Variants in C9orf152 observed in about 807,000 individuals in gnomAD.
C9orf152 encodes the protein uncharacterized protein C9orf152.
A neutral mutation model predicts 8.5 loss-of-function variants in C9orf152; 8 were observed. The observed-to-expected ratio is 0.94, with a 90% CI of 0.55 to 1.70. The LOEUF is 1.70. C9orf152 is among the 40% of genes most tolerant of loss of function. C9orf152 has a pLI of 0.00. For missense variants in C9orf152, 293 were observed against 286.2 expected, an observed-to-expected ratio of 1.02 and a Z score of -0.17; for synonymous variants, 109 against 113.0, an observed-to-expected ratio of 0.96 and a Z score of 0.22.
At position 110,201,149 on chromosome 9, in the gene C9orf152, T is replaced by TG; in HGVS notation, c.518dup (p.Glu174ArgfsTer85). The TG allele has an allele frequency of 6.2e-7, 1 of 1,614,192 alleles. No homozygotes were observed. Among genetic ancestry groups the TG allele is most frequent in the Non-Finnish European group, 8.5e-7 (1 of 1,180,032 alleles). On this transcript the variant is annotated frameshift_variant, in exon 2 of 2. Coordinates refer to ENST00000400613, the MANE Select transcript of C9orf152 (RefSeq NM_001012993.3). LOFTEE classifies it low-confidence loss of function (END_TRUNC). ...CCTGGCATGGAAGCTGGGCAGCCTC[T>TG]GGGATTCCGGTTCCTTGCTGAGTCA...
At chr9:110,203,669 C>T (rs1040866678) in intron 1 of C9orf152, among the ~76,000 whole-genome samples, 4 of 152,126 alleles carry the variant, frequency 2.6e-5, no homozygotes, top group Non-Finnish European at 4.4e-5. Context: ...AGGGAAATTT[C>T]GTATCATGTT....
intron 1 of C9orf152, among the ~76,000 whole-genome samples, chr9:110,206,270 GC>G (rs2118505544): frequency 6.6e-6 from 1 of 152,126 alleles, no homozygotes; most frequent in South Asian, 2.1e-4. Context: ...TTCTCTGGGG[GC>G]ATGTTGAATT....
intron 1 of C9orf152, among the ~76,000 whole-genome samples, 189 bp downstream of exon 1, chr9:110,207,198 G>A (rs970518119): frequency 6.6e-6 from 1 of 152,230 alleles, no homozygotes; most frequent in African/African-American, 2.4e-5. Context: ...TGGCAGCCAG[G>A]TGCTTGGCTG....
At chr9:110,203,312 C>T (rs576139934) in intron 1 of C9orf152, among the ~76,000 whole-genome samples, 16 of 152,070 alleles carry the variant, frequency 1.1e-4, no homozygotes, top group African/African-American at 3.6e-4. Flanking sequence ...CGTGAGCCAC[C>T]GCGGCCAGCC....
intron 1 of C9orf152, among the ~76,000 whole-genome samples, 165 bp downstream of exon 1, chr9:110,207,222 C>T (rs1367282213): frequency 6.6e-6 from 1 of 152,184 alleles, no homozygotes; most frequent in East Asian, 1.9e-4. Context: ...CCCCTGGCTC[C>T]CTTAGCAGGT....
At chr9:110,206,745 C>T (rs1319620481) in intron 1 of C9orf152, among the ~76,000 whole-genome samples, 3 of 152,230 alleles carry the variant, frequency 2.0e-5, no homozygotes, top group Non-Finnish European at 4.4e-5. Context: ...AGGGTATCTT[C>T]CCTTCTCCCT....
chr9:110,207,507 C>G lies in C9orf152; in HGVS notation c.73G>C (p.Gly25Arg). 1 of 1,612,776 alleles carries G rather than the reference C, an allele frequency of 6.2e-7. No homozygotes were observed. The highest frequency in any genetic ancestry group is 1.1e-5 in the South Asian group (1 of 90,822). The change falls in exon 1 of 2, where the codon GGC (glycine) becomes CGC (arginine). Residue 25 changes from glycine (G) to arginine (R), a missense_variant. Physicochemically the swap from Gly to Arg is moderately radical, Grantham distance 125 (BLOSUM62 -2). Coordinates refer to ENST00000400613, the MANE Select transcript of C9orf152 (RefSeq NM_001012993.3). ...WQLRSHLMAE[G>R]SRTQAPGKGP... ...TTCCCAGGGGCCTGAGTCCTGGAGCCCTCAGCCATTAAGTGAGACCTAAGC... is the reference window on the plus strand; with the variant it reads ...TTCCCAGGGGCCTGAGTCCTGGAGCGCTCAGCCATTAAGTGAGACCTAAGC...
Position 110,200,507 on chromosome 9 carries a change from CAGAATATATGAG to C in C9orf152, c.*429_*440del. ...CTGAATTCTCAGAGCTTGTCTTCTCCAGAATATATGAGAAATCATCAGAAGACATTGAAAACA... is the reference window on the plus strand; with the variant it reads ...CTGAATTCTCAGAGCTTGTCTTCTCCAAATCATCAGAAGACATTGAAAACA... On this transcript the variant is annotated 3_prime_UTR_variant, in exon 2 of 2. Transcript: ENST00000400613. 6.4e-6 allele frequency: 1 copy of C among 155,042 alleles called. No homozygotes were observed. The highest frequency in any genetic ancestry group is 1.9e-4 in the East Asian group (1 of 5,240). The allele number at this position is 155,042 out of a possible 1,614,324, so 9.6% of individuals were successfully genotyped here.
chr9:110,203,957 C>T (rs781013718), intron 1 of C9orf152, among the ~76,000 whole-genome samples: 1 of 152,134 alleles, frequency 6.6e-6, no homozygotes, highest in Non-Finnish European at 1.5e-5. Context: ...CCTCTCTCAT[C>T]AAGCCAGAGT....
intron 1 of C9orf152, among the ~76,000 whole-genome samples, chr9:110,205,705 C>CT (rs1837266671): frequency 1.3e-5 from 2 of 152,170 alleles, no homozygotes; most frequent in South Asian, 4.1e-4. Context: ...TCAGGCTGTG[C>CT]TCCAAGACCC....
At chr9:110,203,214 G>A (rs1057387827) in intron 1 of C9orf152, among the ~76,000 whole-genome samples, 9 of 151,802 alleles carry the variant, frequency 5.9e-5, no homozygotes, top group Admixed American at 2.0e-4. Context: ...TAGTAGAGAC[G>A]GGGTTTCACT....
Position 110,199,684 on chromosome 9 carries a change from T to C in C9orf152, c.*1264A>G, listed in dbSNP as rs979244142. ...GATTTCTGGGTGGTTCAAGGAAGCT[T>C]CTACATGTTTTTCACAGGTAATGAC... On this transcript the variant is annotated 3_prime_UTR_variant, in exon 2 of 2. Coordinates refer to ENST00000400613, the MANE Select transcript of C9orf152 (RefSeq NM_001012993.3). 4 of 152,308 alleles carry C rather than the reference T, an allele frequency of 2.6e-5. No homozygotes were observed. Among genetic ancestry groups the C allele is most frequent in the African/African-American group, 9.6e-5 (4 of 41,554 alleles). 9.4% of individuals were successfully genotyped at this position (152,308 alleles called of 1,614,324 possible).
In C9orf152 at chr9:110,201,374, C is replaced by T. The variant is rs755614512; in HGVS notation, c.294G>A (p.Val98=). The T allele has an allele frequency of 8.1e-6, 13 of 1,601,254 alleles. No homozygotes were observed. In the East Asian group the frequency reaches 1.1e-4, roughly 14 times the overall value. ...GGGCAGCCTCCTCCAGCCTCCCCTCCACCTCAGAATCTGCCTCTTCCAGGG... is the reference window on the plus strand; with the variant it reads ...GGGCAGCCTCCTCCAGCCTCCCCTCTACCTCAGAATCTGCCTCTTCCAGGG... ...SLSLEEADSE[V]EGRLEEAAQG... The change falls in exon 2 of 2, where the codon GTG becomes GTA. Residue 98 remains valine, a synonymous_variant. Coordinates refer to ENST00000400613, the MANE Select transcript of C9orf152 (RefSeq NM_001012993.3).
At chr9:110,203,677 G>GT (rs1304194135) in intron 1 of C9orf152, among the ~76,000 whole-genome samples, 1 of 152,176 alleles carries the variant, frequency 6.6e-6, no homozygotes, top group Non-Finnish European at 1.5e-5. Flanking sequence ...TTCGTATCAT[G>GT]TTTTTTATCT....
chr9:110,206,444 A>C (rs1005289511), intron 1 of C9orf152, among the ~76,000 whole-genome samples: 4 of 152,172 alleles, frequency 2.6e-5, no homozygotes. Context: ...AGCTTTAGGA[A>C]CCTTTCAGTT....
chr9:110,200,812 T>C lies in C9orf152; in HGVS notation c.*136A>G. 3 of 882,356 alleles carry C rather than the reference T, an allele frequency of 3.4e-6. No individual in the cohort carries two copies. The highest frequency in any genetic ancestry group is 5.2e-6 in the Non-Finnish European group (3 of 572,140). The allele number at this position is 882,356 out of a possible 1,614,324, so 54.7% of individuals were successfully genotyped here. On this transcript the variant is annotated 3_prime_UTR_variant, in exon 2 of 2. Coordinates refer to ENST00000400613, the MANE Select transcript of C9orf152 (RefSeq NM_001012993.3). The stretch of plus-strand genomic sequence containing the variant: ...AACCATGTTACCATTGTGAAGTTCG[T>C]CTCCCACAATTCCTATAATTAGGTT...
intron 1 of C9orf152, among the ~76,000 whole-genome samples, chr9:110,203,320 G>A (rs1156792928): frequency 2.6e-5 from 4 of 152,168 alleles, no homozygotes; most frequent in Admixed American, 6.5e-5. Context: ...ACCGCGGCCA[G>A]CCAAAGGAAA....
Position 110,207,479 on chromosome 9 carries a change from C to A in C9orf152, c.101G>T (p.Gly34Val). ...CAGGAACTGGATGCTGAGTGGGGGC[C>A]CTTTCCCAGGGGCCTGAGTCCTGGA... is the stretch of plus-strand genomic sequence containing the variant. ...EGSRTQAPGK[G>V]PPLSIQFLRA... Residue 34 changes from glycine (G) to valine (V), a missense_variant, in exon 1 of 2, where the codon GGG (glycine) becomes GTG (valine). Physicochemically the swap from Gly to Val is moderately radical, Grantham distance 109 (BLOSUM62 -3). Coordinates refer to ENST00000400613, the MANE Select transcript of C9orf152 (RefSeq NM_001012993.3). 6.2e-7 allele frequency: 1 copy of A among 1,613,524 alleles called. No individual in the cohort carries two copies. The highest frequency in any genetic ancestry group is 8.5e-7 in the Non-Finnish European group (1 of 1,179,778).
chr9:110,201,347 C>G lies in C9orf152; in HGVS notation c.321G>C (p.Gln107His). 1 of 1,609,540 alleles carries G rather than the reference C, an allele frequency of 6.2e-7. No individual in the cohort carries two copies. The highest frequency in any genetic ancestry group is 1.1e-5 in the South Asian group (1 of 90,276). Residue 107 changes from glutamine to histidine, a missense_variant, in exon 2 of 2, where the codon CAG becomes CAC. Gln to His is a conservative substitution (Grantham distance 24, BLOSUM62 0). Transcript: ENST00000400613. ...GAGACTTGGGGGCCTGAAGGCAGCC[C>G]TGGGCAGCCTCCTCCAGCCTCCCCT... Reference protein sequence around the residue: ...EVEGRLEEAAQGCLQAPKSPW... With the variant: ...EVEGRLEEAAHGCLQAPKSPW...
Sources: gnomAD v4.1 joint callset for allele counts (sites outside exome capture counted in the v4.1 genomes callset) on GRCh38, gnomAD v4.1.1 for gene constraint, MANE v1.5 for transcripts, NCBI Gene and HGNC (gene_info 2026-07-23, HGNC 2026-07-21) for gene names.